SPIDR: variants seen among roughly 807,000 people sequenced by gnomAD.
SPIDR encodes DNA repair-scaffolding protein.
Under a neutral mutation model 104.6 loss-of-function variants are expected in SPIDR, and 93 were observed. The observed-to-expected ratio is 0.89, with a 90% CI of 0.75 to 1.06. The LOEUF (loss-of-function observed/expected upper bound fraction) is 1.06, where lower values mean the gene tolerates loss of function less well. Ranked by LOEUF, SPIDR falls within the 50% of genes least tolerant of loss-of-function variation. The pLI, the probability that SPIDR is intolerant of heterozygous loss-of-function variation, is 0.00. For missense variants in SPIDR, 1,154 were observed against 1,111.2 expected (o/e 1.04, Z -0.55); for synonymous variants, 431 against 416.9 (o/e 1.03, Z -0.41).
At chr8:47,712,591 T>C in intron 14 of SPIDR, 71 bp from the exon 15 acceptor site, 1 of 1,471,770 alleles carries the variant, frequency 6.8e-7, no homozygotes, top group Non-Finnish European at 9.3e-7. Flanking sequence ...TATGTATAAC[T>C]TCTGCTTTTA....
At chr8:47,406,207 A>T (rs956752587) in intron 6 of SPIDR, among the ~76,000 whole-genome samples, 1 of 151,768 alleles carries the variant, frequency 6.6e-6, no homozygotes, top group African/African-American at 2.4e-5. Context: ...TGTGCATATC[A>T]TTTTAAATAA....
At chr8:47,463,529 C>T (rs1436298248) in intron 8 of SPIDR, among the ~76,000 whole-genome samples, 10 of 151,966 alleles carry the variant, frequency 6.6e-5, no homozygotes, top group Admixed American at 5.2e-4. Flanking sequence ...TTCCCTGAGG[C>T]TAGCATTACC....
chr8:47,550,837 G>A (rs1212331404), intron 8 of SPIDR, among the ~76,000 whole-genome samples: 1 of 151,138 alleles, frequency 6.6e-6, no homozygotes, highest in African/African-American at 2.4e-5. Context: ...GGGCATCCCT[G>A]TCTTGTGCCG....
chr8:47,729,391 G>A, intron 18 of SPIDR, 21 bp from the exon 19 acceptor site: 2 of 1,579,596 alleles, frequency 1.3e-6, no homozygotes, highest in Non-Finnish European at 1.7e-6. Context: ...GTTTAACCCA[G>A]CCCTGCTTCT....
intron 5 of SPIDR, among the ~76,000 whole-genome samples, chr8:47,297,902 G>C (rs2154243769): frequency 6.6e-6 from 1 of 152,288 alleles, no homozygotes; most frequent in South Asian, 2.1e-4. Flanking sequence ...ATTGTGAATA[G>C]TGCCGCAATA....
intron 8 of SPIDR, among the ~76,000 whole-genome samples, chr8:47,557,335 C>G (rs1321727324): frequency 6.6e-6 from 1 of 152,132 alleles, no homozygotes; most frequent in African/African-American, 2.4e-5. Flanking sequence ...CCCTAGGAAC[C>G]TACGTCTTGA....
intron 8 of SPIDR, chr8:47,527,367 C>T (rs1195385419): frequency 1.3e-5 from 2 of 152,172 alleles, no homozygotes; most frequent in Admixed American, 1.3e-4. Flanking sequence ...GATCTCAGCC[C>T]AGAGGCACAG....
chr8:47,303,485 G>A (rs1398788714), intron 5 of SPIDR, among the ~76,000 whole-genome samples: 1 of 152,132 alleles, frequency 6.6e-6, no homozygotes, highest in Non-Finnish European at 1.5e-5. Flanking sequence ...CCAGTGAGAT[G>A]AACCCAATAC....
intron 8 of SPIDR, among the ~76,000 whole-genome samples, chr8:47,490,034 G>A (rs1810386195): frequency 6.6e-6 from 1 of 152,198 alleles, no homozygotes; most frequent in African/African-American, 2.4e-5. Context: ...CTTCTGCACA[G>A]CAAAAGAAAC....
chr8:47,328,544 C>T (rs1339690572), intron 5 of SPIDR, among the ~76,000 whole-genome samples: 3 of 151,980 alleles, frequency 2.0e-5, no homozygotes, highest in Non-Finnish European at 4.4e-5. Context: ...TGAGCCACCA[C>T]GTTGGGTACC....
intron 8 of SPIDR, among the ~76,000 whole-genome samples, chr8:47,536,365 G>A (rs913726898): frequency 1.3e-5 from 2 of 152,124 alleles, no homozygotes; most frequent in African/African-American, 4.8e-5. Flanking sequence ...AAAGAGAAGT[G>A]ACATTATCCA....
chr8:47,511,664 GTGC>G, intron 8 of SPIDR: 1 of 827,180 alleles, frequency 1.2e-6, no homozygotes, highest in Admixed American at 1.7e-5. Context: ...TCTTCCTCTG[GTGC>G]TGCCCCAAGG....
At chr8:47,334,066 A>C (rs1000595550) in intron 5 of SPIDR, among the ~76,000 whole-genome samples, 1 of 152,162 alleles carries the variant, frequency 6.6e-6, no homozygotes, top group Non-Finnish European at 1.5e-5. Context: ...TATTTTGTTT[A>C]GTTTTCACAT....
intron 19 of SPIDR, chr8:47,732,323 A>G (rs116595001): frequency 0.014 from 9,192 of 646,638 alleles, 276 homozygotes; most frequent in East Asian, 0.078. Context: ...GTATGTGTGC[A>G]TCAGAGCACC....
At chr8:47,457,333 T>C (rs1365224160) in intron 8 of SPIDR, among the ~76,000 whole-genome samples, 1 of 152,212 alleles carries the variant, frequency 6.6e-6, no homozygotes, top group African/African-American at 2.4e-5. Context: ...CATTGTGGTG[T>C]TGACTTCCAT....
At chr8:47,670,213 G>A (rs2075612673) in intron 10 of SPIDR, among the ~76,000 whole-genome samples, 1 of 152,054 alleles carries the variant, frequency 6.6e-6, no homozygotes, top group African/African-American at 2.4e-5. Context: ...GCTTGGCCTG[G>A]ACTTCCCTAT....
intron 8 of SPIDR, among the ~76,000 whole-genome samples, chr8:47,452,118 G>A (rs1461717538): frequency 6.6e-6 from 1 of 152,168 alleles, no homozygotes; most frequent in East Asian, 1.9e-4. Flanking sequence ...AAGGCACATA[G>A]TAGTGAAGTT....
In SPIDR at chr8:47,727,198, A is replaced by T; in HGVS notation, c.2342-2A>T. On this transcript the variant is annotated splice_acceptor_variant, in intron 16 of 19. Coordinates refer to ENST00000297423, the MANE Select transcript of SPIDR (RefSeq NM_001080394.4). LOFTEE classifies it high-confidence loss of function. ...GGTGGGCTTTCCTTCTCTTGGGCCT[A>T]GGCACTGTGGTTGGCGTGGACGAGA... 6.2e-7 allele frequency: 1 copy of T among 1,614,020 alleles called. No individual in the cohort carries two copies. Among genetic ancestry groups the T allele is most frequent in the Non-Finnish European group, 8.5e-7 (1 of 1,179,964 alleles).
At chr8:47,732,465 A>G (rs2085419100) in intron 19 of SPIDR, 2 of 466,518 alleles carry the variant, frequency 4.3e-6, no homozygotes, top group Non-Finnish European at 7.7e-6. Context: ...CAGCCTTAGT[A>G]TCACCTTTTT....
Sources: allele counts gnomAD v4.1 joint callset (sites outside exome capture counted in the v4.1 genomes callset), GRCh38; gene constraint gnomAD v4.1.1; transcripts MANE v1.5; gene names NCBI Gene and HGNC (gene_info 2026-07-23, HGNC 2026-07-21).